The following POMK variants were observed in gnomAD, a reference collection of about 807,000 sequenced individuals.
POMK encodes protein O-mannose kinase, also known as Sugen kinase 196.
POMK carries 19 observed loss-of-function variants against 23.0 expected under a neutral mutation model. That is an observed-to-expected ratio of 0.83 (90% CI 0.58 to 1.21). The LOEUF (loss-of-function observed/expected upper bound fraction) is 1.21, where lower values mean the gene tolerates loss of function less well. POMK is among the 50% of genes most tolerant of loss of function. The pLI is 0.00. For missense variants in POMK, 410 were observed against 431.3 expected, an observed-to-expected ratio of 0.95 and a Z score of 0.44; for synonymous variants, 173 against 171.6, an observed-to-expected ratio of 1.01 and a Z score of -0.06.
At chr8:43,114,023 G>T (rs191472369) in intron 4 of POMK, among the ~76,000 whole-genome samples, 191 of 152,344 alleles carry the variant, frequency 1.3e-3, no homozygotes, top group African/African-American at 4.5e-3. Context: ...TGCCCCTACT[G>T]GGGGCTGCCT....
intron 4 of POMK, among the ~76,000 whole-genome samples, chr8:43,109,670 G>A (rs1811610293): frequency 6.6e-6 from 1 of 151,968 alleles, no homozygotes; most frequent in African/African-American, 2.4e-5. Context: ...AGCCTCCCGA[G>A]TAGCTGGGAC....
intron 4 of POMK, among the ~76,000 whole-genome samples, chr8:43,104,709 C>T (rs571883150): frequency 5.9e-5 from 9 of 152,240 alleles, no homozygotes; most frequent in Admixed American, 3.9e-4. Flanking sequence ...CTTTGGGAGG[C>T]GGAGGTGGGC....
At chr8:43,121,205 A>G (rs1172199968) in intron 4 of POMK, among the ~76,000 whole-genome samples, 1 of 152,244 alleles carries the variant, frequency 6.6e-6, no homozygotes, top group Admixed American at 6.5e-5. Flanking sequence ...TATTTGAACA[A>G]TGACATGGCA....
chr8:43,123,420 A>G lies in POMK; in HGVS notation c.*543A>G, dbSNP rs1811965000. ...ACTTTTCTTCCATTGTGGTCTGAGA[A>G]GGTACTTGATATGATTTAGATTTTT... On this transcript the variant is annotated 3_prime_UTR_variant, in exon 5 of 5. Coordinates refer to ENST00000331373, the MANE Select transcript of POMK (RefSeq NM_032237.5). The G allele has an allele frequency of 6.5e-6, 1 of 153,238 alleles. No homozygotes were observed. The highest frequency in any genetic ancestry group is 2.0e-4 in the South Asian group (1 of 4,880). 9.5% of individuals were successfully genotyped at this position (153,238 alleles called of 1,614,324 possible).
intron 2 of POMK, among the ~76,000 whole-genome samples, 164 bp from the exon 3 acceptor site, chr8:43,102,341 C>T (rs1379572413): frequency 6.6e-6 from 1 of 152,198 alleles, no homozygotes; most frequent in Non-Finnish European, 1.5e-5. Context: ...TGATGGGCTT[C>T]CCCACGGCCC....
intron 4 of POMK, among the ~76,000 whole-genome samples, chr8:43,106,760 A>G (rs901231212): frequency 9.9e-5 from 15 of 152,034 alleles, no homozygotes; most frequent in African/African-American, 3.4e-4. Flanking sequence ...CGACCTCCCA[A>G]AATGCTGGGA....
chr8:43,114,339 T>G (rs1586676832), intron 4 of POMK, among the ~76,000 whole-genome samples: 1 of 152,234 alleles, frequency 6.6e-6, no homozygotes, highest in African/African-American at 2.4e-5. Flanking sequence ...CCAGGCTCGC[T>G]GCGGCCTTGC....
intron 2 of POMK, among the ~76,000 whole-genome samples, chr8:43,098,877 T>C (rs558218641): frequency 6.6e-6 from 1 of 152,398 alleles, no homozygotes; most frequent in South Asian, 2.1e-4. Context: ...CTTTCATGTA[T>C]GTGCCTGTTG....
intron 4 of POMK, 47 bp downstream of exon 4, chr8:43,103,877 T>C: frequency 6.3e-7 from 1 of 1,577,672 alleles, no homozygotes; most frequent in Non-Finnish European, 8.7e-7. Context: ...TTATTTCGCT[T>C]AACACAGTGT....
At chr8:43,107,455 A>G (rs913789674) in intron 4 of POMK, among the ~76,000 whole-genome samples, 4 of 151,914 alleles carry the variant, frequency 2.6e-5, no homozygotes, top group African/African-American at 9.7e-5. Flanking sequence ...GCTCACTGCA[A>G]CCTCCGCCTC....
chr8:43,106,437 T>A (rs1283063780), intron 4 of POMK, among the ~76,000 whole-genome samples: 2 of 152,134 alleles, frequency 1.3e-5, no homozygotes, highest in African/African-American at 4.8e-5. Flanking sequence ...GTAGTTTGTC[T>A]CTTAACTCTA....
intron 2 of POMK, among the ~76,000 whole-genome samples, chr8:43,098,570 C>T (rs1050371207): frequency 9.9e-5 from 15 of 152,282 alleles, no homozygotes; most frequent in East Asian, 3.9e-4. Context: ...ATAATGCTTC[C>T]GTGAACATTC....
At position 43,122,697 on chromosome 8, in the gene POMK, C is replaced by T; in HGVS notation, c.873C>T (p.Phe291=). Residue 291 remains phenylalanine, a synonymous_variant, in exon 5 of 5, where the codon TTC becomes TTT. Transcript: ENST00000331373. ...DIWKIPDISS[F]LLGHIEGSDM... ...GGAAGATCCCAGACATCTCCAGTTT[C>T]CTTCTGGGGCACATTGAAGGGAGTG... The T allele has an allele frequency of 6.2e-7, 1 of 1,614,182 alleles. No individual in the cohort carries two copies. The highest frequency in any genetic ancestry group is 2.2e-5 in the East Asian group (1 of 44,880).
intron 1 of POMK, 24 bp downstream of exon 1, chr8:43,093,587 G>A (rs1429470406): frequency 1.3e-5 from 2 of 152,580 alleles, no homozygotes; most frequent in Admixed American, 6.5e-5. Context: ...CGAGGGGTGA[G>A]AGGGCGAAGG....
chr8:43,098,199 G>A (rs1301485482), intron 2 of POMK, among the ~76,000 whole-genome samples: 1 of 152,174 alleles, frequency 6.6e-6, no homozygotes, highest in Non-Finnish European at 1.5e-5. Flanking sequence ...ATATTTACAA[G>A]GTTGTACAAT....
In POMK at chr8:43,122,845, G is replaced by T; in HGVS notation, c.1021G>T (p.Ala341Ser). The T allele has an allele frequency of 6.2e-7, 1 of 1,612,904 alleles. No individual in the cohort carries two copies. Among genetic ancestry groups the T allele is most frequent in the Non-Finnish European group, 8.5e-7 (1 of 1,179,788 alleles). Reference protein sequence around the residue: ...YQKVLDTLRDAMMSQAREML With the variant: ...YQKVLDTLRDSMMSQAREML ...GAAGGTCTTGGATACACTTAGAGAT[G>T]CCATGATGTCTCAGGCAAGAGAGAT... The change falls in exon 5 of 5, where the codon GCC (alanine) becomes TCC (serine). Residue 341 changes from alanine to serine, a missense_variant. Physicochemically the swap from Ala to Ser is moderately conservative, Grantham distance 99. Transcript: ENST00000331373.
chr8:43,109,524 A>G (rs979880233), intron 4 of POMK, among the ~76,000 whole-genome samples: 4 of 151,866 alleles, frequency 2.6e-5, no homozygotes, highest in African/African-American at 9.7e-5. Flanking sequence ...TAGTTTGACC[A>G]TAAGGTAAGA....
chr8:43,093,683 G>C (rs1465809313), intron 1 of POMK, 120 bp downstream of exon 1: 1 of 152,552 alleles, frequency 6.6e-6, no homozygotes, highest in East Asian at 1.9e-4. Context: ...GCCTGCCCGC[G>C]GCCTGTCCGG....
In POMK at chr8:43,103,696, G is replaced by C. The variant is rs1409482724; in HGVS notation, c.148G>C (p.Val50Leu). 1 of 1,614,100 alleles carries C rather than the reference G, an allele frequency of 6.2e-7. No individual in the cohort carries two copies. Among genetic ancestry groups the C allele is most frequent in the East Asian group, 2.2e-5 (1 of 44,872 alleles). The change falls in exon 4 of 5, where the codon GTG (valine) becomes CTG (leucine). Residue 50 changes from valine to leucine, a missense_variant. Coordinates refer to ENST00000331373, the MANE Select transcript of POMK (RefSeq NM_032237.5). ...CTTCATCGCTCCTCGACAATCCACT[G>C]TGGACCCCACACACTGTCCCTATGG... ...HFFIAPRQST[V>L]DPTHCPYGHF... is the part of the protein sequence containing the mutation.
Sources: allele counts gnomAD v4.1 joint callset (sites outside exome capture counted in the v4.1 genomes callset), GRCh38; gene constraint gnomAD v4.1.1; transcripts MANE v1.5; gene names NCBI Gene and HGNC (gene_info 2026-07-23, HGNC 2026-07-21).